Variants in NRG3 observed in about 807,000 individuals in gnomAD.
The protein encoded by NRG3 is neuregulin 3.
In NRG3, 31 loss-of-function variants were observed where a neutral mutation model predicts 66.9. That is an observed-to-expected ratio of 0.46 (90% CI 0.35 to 0.63). NRG3 has a LOEUF of 0.63. Ranked by LOEUF, NRG3 falls within the 20% of genes least tolerant of loss-of-function variation. NRG3 has a pLI of 0.00. For synonymous variants in NRG3, 393 were observed against 359.4 expected, an observed-to-expected ratio of 1.09 and a Z score of -1.06; for missense variants, 910 against 878.9, an observed-to-expected ratio of 1.04 and a Z score of -0.45.
chr10:82,599,080 T>A (rs1385998470), intron 2 of NRG3, among the ~76,000 whole-genome samples: 5 of 151,764 alleles, frequency 3.3e-5, no homozygotes, highest in African/African-American at 1.2e-4. Flanking sequence ...AAGAAAATGA[T>A]GAGAAGAAGA....
intron 2 of NRG3, among the ~76,000 whole-genome samples, chr10:82,466,807 A>G (rs1840721831): frequency 6.6e-6 from 1 of 151,900 alleles, no homozygotes; most frequent in Non-Finnish European, 1.5e-5. Context: ...GGAACATGGC[A>G]TAGCCTGGAA....
At chr10:82,615,260 T>C (rs1226041242) in intron 2 of NRG3, among the ~76,000 whole-genome samples, 1 of 152,170 alleles carries the variant, frequency 6.6e-6, no homozygotes, top group Non-Finnish European at 1.5e-5. Context: ...TTGATTGATA[T>C]GTTATCTGAT....
intron 5 of NRG3, among the ~76,000 whole-genome samples, chr10:82,958,545 A>C (rs1171267495): frequency 6.6e-6 from 1 of 152,254 alleles, no homozygotes; most frequent in Non-Finnish European, 1.5e-5. Context: ...TGAATTGTAC[A>C]AATATAAATG....
intron 2 of NRG3, among the ~76,000 whole-genome samples, chr10:82,683,099 C>T (rs1337201531): frequency 6.6e-6 from 1 of 151,944 alleles, no homozygotes; most frequent in Non-Finnish European, 1.5e-5. Context: ...GCTGAGACTA[C>T]AGGTGCCCAC....
At chr10:82,740,580 C>G (rs1265490082) in intron 3 of NRG3, among the ~76,000 whole-genome samples, 1 of 151,910 alleles carries the variant, frequency 6.6e-6, no homozygotes, top group African/African-American at 2.4e-5. Context: ...TGCCTATAAA[C>G]CCAGCACTTT....
chr10:82,219,671 A>G (rs2075847316), intron 1 of NRG3, among the ~76,000 whole-genome samples: 1 of 152,118 alleles, frequency 6.6e-6, no homozygotes, highest in Non-Finnish European at 1.5e-5. Flanking sequence ...ATATTTGTTA[A>G]TTCTATTTCT....
chr10:82,878,747 T>G (rs1842044907), intron 4 of NRG3, among the ~76,000 whole-genome samples: 1 of 152,186 alleles, frequency 6.6e-6, no homozygotes, highest in Non-Finnish European at 1.5e-5. Flanking sequence ...ATAATTTAAT[T>G]TGGATTACAT....
At chr10:82,324,433 T>C (rs2081752483) in intron 1 of NRG3, among the ~76,000 whole-genome samples, 1 of 152,134 alleles carries the variant, frequency 6.6e-6, no homozygotes, top group South Asian at 2.1e-4. Context: ...TCTGACTTCA[T>C]TATTACTTTT....
chr10:82,491,309 T>TAC (rs1329465595), intron 2 of NRG3, among the ~76,000 whole-genome samples: 18 of 137,902 alleles, frequency 1.3e-4, no homozygotes, highest in East Asian at 4.1e-4. Context: ...TATATATATA[T>TAC]ATATATAAAA....
intron 3 of NRG3, chr10:82,843,258 C>A: frequency 2.2e-6 from 1 of 455,002 alleles, no homozygotes; most frequent in South Asian, 1.6e-5. Context: ...GGAATTATGT[C>A]ATGAGGGTTA....
intron 3 of NRG3, among the ~76,000 whole-genome samples, chr10:82,764,047 C>CT (rs1030483467): frequency 8.6e-5 from 13 of 151,034 alleles, no homozygotes; most frequent in Admixed American, 5.3e-4. Context: ...TTTCCTTTTT[C>CT]TTTTTTTTTG....
Position 82,174,267 on chromosome 10 carries a change from A to G in NRG3, c.824-184472A>G, listed in dbSNP as rs576172390. ...TCAACCTTGAGTAATTTCAAGGTTG[A>G]AATTAACCATTCTCCTTTATCTTTT... On this transcript the variant is annotated intron_variant, in intron 1 of 8. Transcript: ENST00000372141. 4.1e-4 allele frequency among the ~76,000 whole-genome samples: 63 copies of G among 152,242 alleles called. 1 individual carries two copies. In the South Asian group the frequency reaches 0.012, roughly 30 times the overall value.
At chr10:82,778,734 G>A (rs1436206739) in intron 3 of NRG3, among the ~76,000 whole-genome samples, 1 of 152,078 alleles carries the variant, frequency 6.6e-6, no homozygotes, top group African/African-American at 2.4e-5. Context: ...GTCCTTTGGT[G>A]GCAGGGCACC....
chr10:82,216,460 A>ATATGTGTG (rs1554851844), intron 1 of NRG3, among the ~76,000 whole-genome samples: 9 of 146,414 alleles, frequency 6.1e-5, no homozygotes, highest in South Asian at 4.4e-4. Flanking sequence ...TTTTATATAT[A>ATATGTGTG]TGTGTGTGTG....
intron 2 of NRG3, among the ~76,000 whole-genome samples, chr10:82,506,871 A>G (rs1844729737): frequency 6.6e-6 from 1 of 152,148 alleles, no homozygotes; most frequent in South Asian, 2.1e-4. Context: ...TAAGGAAGTA[A>G]TTTTCCTGAT....
intron 1 of NRG3, among the ~76,000 whole-genome samples, chr10:81,930,715 G>C (rs1847260415): frequency 6.6e-6 from 1 of 152,180 alleles, no homozygotes. Flanking sequence ...GAGTTGTGGA[G>C]AGGGGAGAAG....
chr10:82,141,811 T>G (rs898211584), intron 1 of NRG3, among the ~76,000 whole-genome samples: 1 of 152,212 alleles, frequency 6.6e-6, no homozygotes, highest in African/African-American at 2.4e-5. Context: ...GATGTGCTAC[T>G]GTTCAGTATG....
At chr10:82,488,568 A>G (rs536322423) in intron 2 of NRG3, among the ~76,000 whole-genome samples, 2 of 152,322 alleles carry the variant, frequency 1.3e-5, no homozygotes, top group South Asian at 4.1e-4. Flanking sequence ...AGTCTGAATA[A>G]CTACAATCTC....
intron 1 of NRG3, among the ~76,000 whole-genome samples, chr10:82,299,643 G>C (rs1202052919): frequency 2.0e-5 from 3 of 151,714 alleles, no homozygotes; most frequent in Non-Finnish European, 4.4e-5. Flanking sequence ...TGTATTGCCA[G>C]TGGCTGCTAT....
Sources: gnomAD v4.1 joint callset for allele counts (sites outside exome capture counted in the v4.1 genomes callset) on GRCh38, gnomAD v4.1.1 for gene constraint, MANE v1.5 for transcripts, NCBI Gene and HGNC (gene_info 2026-07-23, HGNC 2026-07-21) for gene names.